The following UBR3 variants were observed in gnomAD, a reference collection of about 807,000 sequenced individuals.
The protein encoded by UBR3 is ubiquitin protein ligase E3 component n-recognin 3.
A neutral mutation model predicts 243.2 loss-of-function variants in UBR3; 85 were observed. The ratio of observed to expected loss-of-function variants is 0.35; its 90% CI spans 0.29 to 0.42. The LOEUF (loss-of-function observed/expected upper bound fraction) is 0.42. UBR3 is among the 10% of genes least tolerant of loss of function. The pLI is 1.00. For missense variants in UBR3, 1,686 were observed against 2,300.8 expected (o/e 0.73, Z 5.47); for synonymous variants, 748 against 799.8 (o/e 0.94, Z 1.09).
At chr2:169,954,570 C>CT (rs572929851) in intron 23 of UBR3, among the ~76,000 whole-genome samples, 19,557 of 129,854 alleles carry the variant, frequency 0.15, 1,653 homozygotes, top group Non-Finnish European at 0.21. Context: ...TGTTACTTAC[C>CT]TTTTTTTTTT....
chr2:169,972,696 C>G (rs1222479734), intron 24 of UBR3, among the ~76,000 whole-genome samples: 1 of 151,958 alleles, frequency 6.6e-6, no homozygotes, highest in Non-Finnish European at 1.5e-5. Context: ...CAGAAAAAGC[C>G]TTTGACAAAA....
intron 1 of UBR3, among the ~76,000 whole-genome samples, chr2:169,842,279 A>G (rs1017784878): frequency 3.9e-5 from 6 of 152,084 alleles, no homozygotes; most frequent in Admixed American, 1.3e-4. Flanking sequence ...GAAACTCTGT[A>G]TCTAACTAAT....
chr2:169,861,130 C>T (rs902589137), intron 1 of UBR3, among the ~76,000 whole-genome samples: 1 of 152,122 alleles, frequency 6.6e-6, no homozygotes, highest in Admixed American at 6.6e-5. Context: ...TGGTGTCCAC[C>T]CAGAATGAGG....
At chr2:169,884,410 A>ACT in intron 5 of UBR3, among the ~76,000 whole-genome samples, 1 of 152,248 alleles carries the variant, frequency 6.6e-6, no homozygotes, top group African/African-American at 2.4e-5. Flanking sequence ...GGCCTCCCAA[A>ACT]CTGCTGGGTT....
chr2:170,030,797 T>C, intron 31 of UBR3, among the ~76,000 whole-genome samples: 1 of 152,236 alleles, frequency 6.6e-6, no homozygotes, highest in Non-Finnish European at 1.5e-5. Flanking sequence ...TTTTCCCCCT[T>C]GACTTATATT....
chr2:169,936,242 A>G (rs1200815971), intron 19 of UBR3, among the ~76,000 whole-genome samples: 1 of 151,950 alleles, frequency 6.6e-6, no homozygotes, highest in Non-Finnish European at 1.5e-5. Context: ...TATTTTCAGT[A>G]GAGATGGGGT....
intron 1 of UBR3, among the ~76,000 whole-genome samples, chr2:169,847,781 C>T (rs2082532059): frequency 6.6e-6 from 1 of 152,202 alleles, no homozygotes; most frequent in African/African-American, 2.4e-5. Flanking sequence ...TGGGAACAGA[C>T]ACCATTCTCA....
chr2:169,837,520 A>G (rs2082147709), intron 1 of UBR3, among the ~76,000 whole-genome samples: 1 of 152,230 alleles, frequency 6.6e-6, no homozygotes, highest in South Asian at 2.1e-4. Flanking sequence ...GGTGATTTAT[A>G]AAGGAAAGAG....
intron 6 of UBR3, among the ~76,000 whole-genome samples, chr2:169,894,149 G>A (rs1031836565): frequency 1.3e-5 from 2 of 151,648 alleles, no homozygotes; most frequent in Admixed American, 1.3e-4. Flanking sequence ...GCAAGACCAT[G>A]TCTCTTCAAA....
intron 32 of UBR3, among the ~76,000 whole-genome samples, chr2:170,051,301 T>G (rs1485178024): frequency 6.6e-6 from 1 of 152,108 alleles, no homozygotes; most frequent in East Asian, 1.9e-4. Flanking sequence ...AAAACTATAG[T>G]GGCTATCATT....
chr2:169,855,081 A>T (rs1022257080), intron 1 of UBR3, among the ~76,000 whole-genome samples: 1 of 152,166 alleles, frequency 6.6e-6, no homozygotes, highest in African/African-American at 2.4e-5. Flanking sequence ...TGGCTAGACT[A>T]CATTTTCCTC....
At chr2:169,898,299 C>A (rs920338916) in intron 8 of UBR3, among the ~76,000 whole-genome samples, 1 of 152,096 alleles carries the variant, frequency 6.6e-6, no homozygotes, top group African/African-American at 2.4e-5. Flanking sequence ...GACACCATGT[C>A]CTGAAAATTG....
chr2:169,976,389 G>A (rs1273522559), intron 24 of UBR3, among the ~76,000 whole-genome samples: 1 of 151,302 alleles, frequency 6.6e-6, no homozygotes, highest in Non-Finnish European at 1.5e-5. Context: ...GGTGATTATT[G>A]CATTTTTGTT....
At chr2:169,928,022 A>G (rs745736126) in intron 17 of UBR3, among the ~76,000 whole-genome samples, 3 of 152,192 alleles carry the variant, frequency 2.0e-5, no homozygotes, top group Non-Finnish European at 4.4e-5. Context: ...TAGTATTTGT[A>G]TATCTTATGA....
intron 2 of UBR3, among the ~76,000 whole-genome samples, chr2:169,874,821 G>A (rs1005347544): frequency 6.6e-6 from 1 of 152,088 alleles, no homozygotes; most frequent in South Asian, 2.1e-4. Flanking sequence ...TGGGCACACA[G>A]GTTCTCCATT....
chr2:170,080,962 G>A lies in UBR3; in HGVS notation c.5549+278G>A, dbSNP rs557985811. On this transcript the variant is annotated intron_variant, in intron 38 of 38. Coordinates refer to ENST00000272793, the MANE Select transcript of UBR3 (RefSeq NM_172070.4). ...AATCTCAGCACTTTGGGAGGCTGAA[G>A]CAGGATTGCTTGAGCCCAGGAGTTT... 2.5e-3 allele frequency among the ~76,000 whole-genome samples: 383 copies of A among 152,246 alleles called. 2 individuals carry two copies. Among genetic ancestry groups the A allele is most frequent in the Non-Finnish European group, 1.4e-3 (95 of 68,018 alleles).
At chr2:169,834,791 C>G (rs1414845515) in intron 1 of UBR3, among the ~76,000 whole-genome samples, 1 of 152,098 alleles carries the variant, frequency 6.6e-6, no homozygotes, top group Admixed American at 6.5e-5. Flanking sequence ...AATGGGTAAG[C>G]AATATGTGGA....
intron 24 of UBR3, among the ~76,000 whole-genome samples, chr2:169,969,250 CAAA>C (rs925631181): frequency 6.6e-6 from 1 of 152,048 alleles, no homozygotes; most frequent in Non-Finnish European, 1.5e-5. Context: ...ATGTCGTACA[CAAA>C]AAAATCTTTA....
chr2:169,880,438 A>T (rs1186296818), intron 5 of UBR3, among the ~76,000 whole-genome samples: 14 of 152,194 alleles, frequency 9.2e-5, no homozygotes, highest in Non-Finnish European at 1.9e-4. Context: ...GCTGATCTTC[A>T]ACACAGATGC....
Sources: allele counts gnomAD v4.1 joint callset (sites outside exome capture counted in the v4.1 genomes callset), GRCh38; gene constraint gnomAD v4.1.1; transcripts MANE v1.5; gene names NCBI Gene and HGNC (gene_info 2026-07-23, HGNC 2026-07-21).